Variants in DPYSL3 observed in about 807,000 individuals in gnomAD.
DPYSL3 encodes dihydropyrimidinase like 3, also known as dihydropyrimidinase-related protein 3.
In DPYSL3, 16 loss-of-function variants were observed where a neutral mutation model predicts 66.1. The observed-to-expected ratio is 0.24, with a 90% CI of 0.16 to 0.37. The LOEUF (loss-of-function observed/expected upper bound fraction) is 0.37. DPYSL3 is among the 10% of genes least tolerant of loss of function. The pLI, the probability that DPYSL3 is intolerant of heterozygous loss-of-function variation, is 1.00. For missense variants in DPYSL3, 738 were observed against 916.2 expected (o/e 0.81, Z 2.51); for synonymous variants, 338 against 345.1 (o/e 0.98, Z 0.23).
At chr5:147,418,087 G>A (rs1408336156) in intron 3 of DPYSL3, among the ~76,000 whole-genome samples, 5 of 152,168 alleles carry the variant, frequency 3.3e-5, no homozygotes, top group African/African-American at 9.7e-5. Flanking sequence ...AGACCCAAGT[G>A]GGCAGTTTTG....
chr5:147,504,186 T>C (rs1753653531), intron 1 of DPYSL3, among the ~76,000 whole-genome samples: 1 of 152,206 alleles, frequency 6.6e-6, no homozygotes, highest in Admixed American at 6.5e-5. Flanking sequence ...TAAGAGTCAC[T>C]GACTGAAATC....
intron 1 of DPYSL3, among the ~76,000 whole-genome samples, chr5:147,442,356 G>A (rs576567633): frequency 4.2e-4 from 64 of 152,248 alleles, no homozygotes; most frequent in Non-Finnish European, 6.5e-4. Context: ...CAAAGGTGGC[G>A]GTGAGAAAAC....
rs553196630 is a variant in DPYSL3, at chr5:147,470,307, G to A, written c.381+39171C>T. On this transcript the variant is annotated intron_variant, in intron 1 of 13. Transcript: ENST00000343218. ...TAATCTACTTTCTAGGGCACCTAGA[G>A]CACTAAACAAATCTAACATAGATTC... 5.3e-5 allele frequency among the ~76,000 whole-genome samples: 8 copies of A among 152,232 alleles called. No homozygotes were observed. In the East Asian group the frequency reaches 1.4e-3, roughly 26 times the overall value.
chr5:147,459,940 C>A lies in DPYSL3; in HGVS notation c.382-34977G>T, dbSNP rs192279817. On this transcript the variant is annotated intron_variant, in intron 1 of 13. Coordinates refer to ENST00000343218, the MANE Select transcript of DPYSL3 (RefSeq NM_001197294.2). ...CCTGGCTAACATGGTGAAACCCAGT[C>A]TCTACTCAAAATACAAAAAATTAGC... Among the ~76,000 whole-genome samples, 301 of 152,248 alleles carry A rather than the reference C, an allele frequency of 2.0e-3. 1 individual carries two copies. Among genetic ancestry groups the A allele is most frequent in the African/African-American group, 6.9e-3 (287 of 41,542 alleles).
intron 1 of DPYSL3, among the ~76,000 whole-genome samples, chr5:147,469,935 G>C (rs570062048): frequency 6.6e-6 from 1 of 152,202 alleles, no homozygotes; most frequent in Non-Finnish European, 1.5e-5. Context: ...TATGACTCCA[G>C]CTTCTGCAAA....
chr5:147,395,728 C>T lies in DPYSL3; in HGVS notation c.1804-7G>A. 6.2e-7 allele frequency: 1 copy of T among 1,613,420 alleles called. No homozygotes were observed. Among genetic ancestry groups the T allele is most frequent in the Non-Finnish European group, 8.5e-7 (1 of 1,179,974 alleles). ...CGGCATGCAGGTCTGCCATCTGCAG[C>T]CAGAGAAGAGCATGTCACCATTCAT... On this transcript the variant is annotated splice_region_variant and splice_polypyrimidine_tract_variant and intron_variant, in intron 12 of 13. Coordinates refer to ENST00000343218, the MANE Select transcript of DPYSL3 (RefSeq NM_001197294.2).
chr5:147,509,615 C>T lies in DPYSL3; in HGVS notation c.244G>A (p.Glu82Lys), dbSNP rs894089999. Residue 82 changes from glutamate to lysine, a missense_variant, in exon 1 of 14, where the codon GAG becomes AAG. Glu to Lys is a moderately conservative substitution (Grantham distance 56, BLOSUM62 1). Transcript: ENST00000343218. The surrounding 1 kb of genome is among the most constrained non-coding windows in gnomAD (Gnocchi z 5.3). ...DRGSGSRPGI[E>K]GDTPRRGQGR... ...TGGCCCCTGCGCGGGGTGTCCCCCT[C>T]GATCCCGGGCCGACTCCCCGATCCT... is the stretch of plus-strand genomic sequence containing the variant. 9 of 1,535,586 alleles carry T rather than the reference C, an allele frequency of 5.9e-6. No homozygotes were observed. Among genetic ancestry groups the T allele is most frequent in the Non-Finnish European group, 6.1e-6 (7 of 1,146,648 alleles).
chr5:147,449,684 C>A (rs894873024), intron 1 of DPYSL3, among the ~76,000 whole-genome samples: 3 of 152,210 alleles, frequency 2.0e-5, no homozygotes, highest in Non-Finnish European at 2.9e-5. Context: ...CTTCACCTAA[C>A]CATATTTCAA....
intron 1 of DPYSL3, chr5:147,453,847 G>GTT: frequency 4.5e-4 from 326 of 731,234 alleles, no homozygotes; most frequent in Non-Finnish European, 5.1e-4. Context: ...CCCGGGTTTT[G>GTT]TTTTTTTTTT....
chr5:147,478,651 C>T (rs1283889804), intron 1 of DPYSL3, among the ~76,000 whole-genome samples: 1 of 152,302 alleles, frequency 6.6e-6, no homozygotes, highest in South Asian at 2.1e-4. Context: ...GTGTGGAAAT[C>T]CTCTGCCCCC....
chr5:147,414,018 G>A (rs918491963), intron 4 of DPYSL3, among the ~76,000 whole-genome samples: 1 of 152,162 alleles, frequency 6.6e-6, no homozygotes, highest in Admixed American at 6.5e-5. Context: ...TACCCTGGGG[G>A]CTGCACCACT....
At chr5:147,447,724 G>A (rs1218182081) in intron 1 of DPYSL3, among the ~76,000 whole-genome samples, 1 of 152,150 alleles carries the variant, frequency 6.6e-6, no homozygotes, top group Non-Finnish European at 1.5e-5. Context: ...TACAAAATCA[G>A]CTGGGCATGG....
At chr5:147,495,861 C>G (rs1444675183) in intron 1 of DPYSL3, among the ~76,000 whole-genome samples, 1 of 152,168 alleles carries the variant, frequency 6.6e-6, no homozygotes, top group Non-Finnish European at 1.5e-5. Context: ...CCTCATCAAG[C>G]TATCAATGAC....
intron 1 of DPYSL3, among the ~76,000 whole-genome samples, chr5:147,465,322 C>G (rs147764558): frequency 6.6e-6 from 1 of 151,710 alleles, no homozygotes; most frequent in Admixed American, 6.6e-5. Context: ...TTTTTTTTGA[C>G]GGAGCCTCGC....
intron 4 of DPYSL3, 47 bp downstream of exon 4, chr5:147,415,662 G>C (rs1482342231): frequency 6.3e-7 from 1 of 1,592,838 alleles, no homozygotes; most frequent in Admixed American, 1.7e-5. Context: ...GGAAGGACTG[G>C]CAAGAAGAAG....
In DPYSL3 at chr5:147,391,958, C is replaced by CA. The variant is rs1188122850; in HGVS notation, c.*2076dup. 1 of 152,200 alleles carries CA rather than the reference C, an allele frequency of 6.6e-6. No individual in the cohort carries two copies. Among genetic ancestry groups the CA allele is most frequent in the Non-Finnish European group, 1.5e-5 (1 of 68,066 alleles). The allele number at this position is 152,200 out of a possible 1,614,324, so 9.4% of individuals were successfully genotyped here. ...ACAGAGAGGTTGTGCAGAGATGAGT[C>CA]AGACTCAGGGGCTGAGTAACAGCAG... On this transcript the variant is annotated 3_prime_UTR_variant, in exon 14 of 14. Transcript: ENST00000343218.
rs184609915 is a variant in DPYSL3, at chr5:147,452,970, C to T, written c.382-28007G>A. Reference sequence around the variant, plus strand: ...ACTGCAGCCACGTTAGCTGTCCAGTCCCATAAACGATACATTGAAACATGA... The same window carrying T: ...ACTGCAGCCACGTTAGCTGTCCAGTTCCATAAACGATACATTGAAACATGA... On this transcript the variant is annotated intron_variant, in intron 1 of 13. Transcript: ENST00000343218. Among the ~76,000 whole-genome samples the T allele has an allele frequency of 8.2e-4, 124 of 151,744 alleles. No individual in the cohort carries two copies. In the Middle Eastern group the frequency reaches 0.01, roughly 13 times the overall value.
intron 1 of DPYSL3, among the ~76,000 whole-genome samples, chr5:147,436,921 G>C (rs1225121599): frequency 6.6e-6 from 1 of 152,222 alleles, no homozygotes; most frequent in Admixed American, 6.5e-5. Flanking sequence ...TGAGGTACTG[G>C]TCAACCATAC....
At chr5:147,415,420 G>A (rs937587160) in intron 4 of DPYSL3, among the ~76,000 whole-genome samples, 3 of 152,138 alleles carry the variant, frequency 2.0e-5, no homozygotes, top group Admixed American at 2.0e-4. Flanking sequence ...TGGAGGTGAA[G>A]AGCATAGAAT....
Sources: gnomAD v4.1 joint callset for allele counts (sites outside exome capture counted in the v4.1 genomes callset) on GRCh38, gnomAD v4.1.1 for gene constraint, Gnocchi (gnomAD v3.1) non-coding constraint, MANE v1.5 for transcripts, NCBI Gene and HGNC (gene_info 2026-07-23, HGNC 2026-07-21) for gene names.